TTC17: variants seen among roughly 807,000 people sequenced by gnomAD.
TTC17 encodes tetratricopeptide repeat protein 17.
Under a neutral mutation model 143.8 loss-of-function variants are expected in TTC17, and 58 were observed. That is an observed-to-expected ratio of 0.40 (90% confidence interval 0.33 to 0.50). The LOEUF (loss-of-function observed/expected upper bound fraction) is 0.50, where lower values mean the gene tolerates loss of function less well. Ranked by LOEUF, TTC17 falls within the 20% of genes least tolerant of loss-of-function variation. TTC17 has a pLI of 0.49. For synonymous variants in TTC17, 501 were observed against 497.8 expected (o/e 1.01, Z -0.09); for missense variants, 1,273 against 1,392.5 (o/e 0.91, Z 1.37).
intron 21 of TTC17, among the ~76,000 whole-genome samples, chr11:43,479,020 C>T (rs887008546): frequency 6.6e-5 from 10 of 152,258 alleles, no homozygotes; most frequent in South Asian, 2.1e-4. Flanking sequence ...GCAGGTGGAT[C>T]ACCAAGTCAG....
chr11:43,418,470 A>T (rs901201494), intron 16 of TTC17, among the ~76,000 whole-genome samples: 20 of 152,294 alleles, frequency 1.3e-4, no homozygotes, highest in Middle Eastern at 3.4e-3. Context: ...ACTGTTTTCC[A>T]CATTTATAGG....
Position 43,494,828 on chromosome 11 carries a change from T to A in TTC17, c.*924T>A, listed in dbSNP as rs1948530883. 6.6e-6 allele frequency: 1 copy of A among 152,178 alleles called. No homozygotes were observed. The highest frequency in any genetic ancestry group is 2.1e-4 in the South Asian group (1 of 4,830). 9.4% of individuals were successfully genotyped at this position (152,178 alleles called of 1,614,324 possible). A position where few individuals can be genotyped will look rare whatever the true frequency, so the allele number is the denominator to read the frequency against. On this transcript the variant is annotated 3_prime_UTR_variant, in exon 24 of 24. Transcript: ENST00000039989. ...AATGAGCCAAGGTTGAGTGTTTCCA[T>A]ACAATGCTTTTACCTTTGATCCCAG...
intron 16 of TTC17, among the ~76,000 whole-genome samples, chr11:43,423,567 AT>A (rs1428625938): frequency 2.0e-5 from 3 of 152,198 alleles, no homozygotes; most frequent in African/African-American, 4.8e-5. Context: ...TGTGTCCTGA[AT>A]TGATTCATTT....
intron 15 of TTC17, 78 bp from the exon 16 acceptor site, chr11:43,414,512 G>C (rs559338406): frequency 4.8e-6 from 7 of 1,471,988 alleles, no homozygotes; most frequent in Middle Eastern, 2.4e-4. Context: ...AGAGCCAAAA[G>C]CCATATACTG....
At chr11:43,431,216 A>G (rs1947151597) in intron 16 of TTC17, among the ~76,000 whole-genome samples, 1 of 152,212 alleles carries the variant, frequency 6.6e-6, no homozygotes, top group African/African-American at 2.4e-5. Flanking sequence ...TGTTGTGAAT[A>G]GTACTGCAGT....
intron 1 of TTC17, among the ~76,000 whole-genome samples, chr11:43,369,306 C>T (rs1476439447): frequency 6.6e-6 from 1 of 152,132 alleles, no homozygotes; most frequent in African/African-American, 2.4e-5. Context: ...TGAATATTCT[C>T]ATAAAATTGA....
chr11:43,443,192 T>A, intron 16 of TTC17, 133 bp from the exon 17 acceptor site: 1 of 1,013,466 alleles, frequency 9.9e-7, no homozygotes. Flanking sequence ...TGAATGGAAT[T>A]TTTATTACAT....
chr11:43,448,279 C>G (rs1431289124), intron 19 of TTC17, among the ~76,000 whole-genome samples, 157 bp downstream of exon 19: 3 of 152,120 alleles, frequency 2.0e-5, no homozygotes, highest in African/African-American at 7.2e-5. Flanking sequence ...CCAGGTGGAC[C>G]CAACCCATTG....
chr11:43,493,691 G>T, intron 23 of TTC17, 82 bp from the exon 24 acceptor site: 1 of 1,598,282 alleles, frequency 6.3e-7, no homozygotes, highest in Non-Finnish European at 8.6e-7. Flanking sequence ...GTACAGAGGT[G>T]CTTCTTGAGA....
intron 22 of TTC17, 122 bp downstream of exon 22, chr11:43,490,480 G>A: frequency 7.2e-7 from 1 of 1,397,508 alleles, no homozygotes; most frequent in Admixed American, 2.4e-5. Flanking sequence ...TCCAAGGAGA[G>A]AATGGGGCAG....
intron 16 of TTC17, among the ~76,000 whole-genome samples, chr11:43,433,056 G>A (rs555727063): frequency 3.3e-5 from 5 of 152,076 alleles, no homozygotes; most frequent in African/African-American, 1.2e-4. Context: ...GCTGGAGTGC[G>A]GTGGCGCAGT....
intron 16 of TTC17, among the ~76,000 whole-genome samples, chr11:43,430,704 T>TAC (rs1218079268): frequency 9.9e-5 from 5 of 50,336 alleles, no homozygotes; most frequent in South Asian, 6.4e-4. Context: ...ATCCCCTACA[T>TAC]ACACGCACAC....
chr11:43,378,715 A>G (rs904459489), intron 1 of TTC17, among the ~76,000 whole-genome samples: 2 of 152,230 alleles, frequency 1.3e-5, no homozygotes, highest in African/African-American at 4.8e-5. Context: ...GCTTCAACAT[A>G]ATTGTTTGAT....
chr11:43,465,146 T>C (rs1182192631), intron 21 of TTC17, among the ~76,000 whole-genome samples: 1 of 152,182 alleles, frequency 6.6e-6, no homozygotes, highest in African/African-American at 2.4e-5. Context: ...AGCAAGAAGA[T>C]CACCATTGCC....
intron 22 of TTC17, 138 bp downstream of exon 22, chr11:43,490,496 C>T (rs1948454961): frequency 7.6e-7 from 1 of 1,320,150 alleles, no homozygotes; most frequent in African/African-American, 1.5e-5. Context: ...GGCAGGAGAC[C>T]TTCTGACTGG....
chr11:43,436,118 C>G (rs989811524), intron 16 of TTC17: 3 of 1,268,592 alleles, frequency 2.4e-6, no homozygotes, highest in East Asian at 5.9e-5. Context: ...TAGTACTACA[C>G]GAGAGATATT....
intron 21 of TTC17, among the ~76,000 whole-genome samples, chr11:43,477,772 T>C (rs367844197): frequency 3.5e-4 from 54 of 152,324 alleles, no homozygotes; most frequent in African/African-American, 1.2e-3. Flanking sequence ...TCAATGTAGA[T>C]ATAATTAAAA....
chr11:43,389,901 A>C, intron 3 of TTC17, 80 bp downstream of exon 3: 1 of 1,321,802 alleles, frequency 7.6e-7, no homozygotes, highest in East Asian at 2.4e-5. Context: ...TTATTTCTGT[A>C]ATAAGGGTAA....
intron 1 of TTC17, among the ~76,000 whole-genome samples, chr11:43,363,248 G>A (rs1239236653): frequency 6.6e-6 from 1 of 152,042 alleles, no homozygotes; most frequent in Non-Finnish European, 1.5e-5. Flanking sequence ...TCCCTAGTTT[G>A]GCAATATCTA....
Sources: gnomAD v4.1 joint callset for allele counts (sites outside exome capture counted in the v4.1 genomes callset) on GRCh38, gnomAD v4.1.1 for gene constraint, MANE v1.5 for transcripts, NCBI Gene and HGNC (gene_info 2026-07-23, HGNC 2026-07-21) for gene names.